The following NELL1 variants were observed in gnomAD, a reference collection of about 807,000 sequenced individuals.
NELL1 encodes protein kinase C-binding protein NELL1.
A neutral mutation model predicts 107.4 loss-of-function variants in NELL1; 76 were observed. The observed-to-expected ratio is 0.71, with a 90% CI of 0.59 to 0.86. The LOEUF is 0.86. NELL1 is among the 40% of genes least tolerant of loss of function. NELL1 has a pLI of 0.00. For missense variants in NELL1, 1,024 were observed against 1,005.5 expected (o/e 1.02, Z -0.25); for synonymous variants, 353 against 341.2 (o/e 1.03, Z -0.38).
At chr11:21,194,475 G>A (rs1857110873) in intron 13 of NELL1, among the ~76,000 whole-genome samples, 1 of 152,004 alleles carries the variant, frequency 6.6e-6, no homozygotes, top group Non-Finnish European at 1.5e-5. Flanking sequence ...TGATTTAGTT[G>A]ATCTGGTCTG....
At chr11:20,878,810 C>A (rs938871975) in intron 4 of NELL1, among the ~76,000 whole-genome samples, 2 of 152,184 alleles carry the variant, frequency 1.3e-5, no homozygotes, top group South Asian at 4.1e-4. Context: ...AGGGAACTTT[C>A]ATTCATTTAT....
At chr11:21,021,791 G>C (rs1852707701) in intron 12 of NELL1, among the ~76,000 whole-genome samples, 1 of 152,056 alleles carries the variant, frequency 6.6e-6, no homozygotes. Flanking sequence ...GATTTCATTA[G>C]CTTCATGTTT....
intron 14 of NELL1, among the ~76,000 whole-genome samples, chr11:21,266,853 C>G (rs1590787119): frequency 6.6e-6 from 1 of 152,056 alleles, no homozygotes; most frequent in Non-Finnish European, 1.5e-5. Flanking sequence ...AGACTCACCT[C>G]AAATTTACCA....
chr11:20,913,021 G>A (rs1406322108), intron 5 of NELL1, among the ~76,000 whole-genome samples: 1 of 152,120 alleles, frequency 6.6e-6, no homozygotes, highest in Non-Finnish European at 1.5e-5. Context: ...CATAATGAAA[G>A]TCGACAAGTG....
At position 20,755,559 on chromosome 11, in the gene NELL1, T is replaced by TTTTTTTTTTA. The variant is rs1337491294; in HGVS notation, c.185-28119_185-28118insTTTTTTTATT. Reference sequence around the variant, plus strand: ...GTTTTTGTTTTTTTTTGTTTTTGTTTTTGTTTTTTTTTTTTTGAGACAGAA... The same window carrying TTTTTTTTTTA: ...GTTTTTGTTTTTTTTTGTTTTTGTTTTTTTTTTTTATTGTTTTTTTTTTTTTGAGACAGAA... On this transcript the variant is annotated intron_variant, in intron 2 of 19. Coordinates refer to ENST00000357134, the MANE Select transcript of NELL1 (RefSeq NM_006157.5). 1.8e-3 allele frequency among the ~76,000 whole-genome samples: 32 copies of TTTTTTTTTTA among 17,682 alleles called. No individual in the cohort carries two copies. The East Asian group carries it at 0.032, about 18-fold the overall frequency. The allele number at this position is 17,682 out of a possible 152,430, so 11.6% of individuals were successfully genotyped here. A position where few individuals can be genotyped will look rare whatever the true frequency, so the allele number is the denominator to read the frequency against.
At chr11:21,330,619 A>C (rs1850252269) in intron 14 of NELL1, among the ~76,000 whole-genome samples, 1 of 151,990 alleles carries the variant, frequency 6.6e-6, no homozygotes, top group East Asian at 1.9e-4. Flanking sequence ...TTTTATGTAT[A>C]ATAAGTCATT....
intron 12 of NELL1, among the ~76,000 whole-genome samples, chr11:21,079,490 G>T (rs897934258): frequency 6.6e-6 from 1 of 152,020 alleles, no homozygotes; most frequent in African/African-American, 2.4e-5. Flanking sequence ...GAAAACACTA[G>T]TCATGTTTGT....
intron 2 of NELL1, among the ~76,000 whole-genome samples, chr11:20,708,917 C>T (rs567384328): frequency 6.6e-6 from 1 of 152,202 alleles, no homozygotes; most frequent in Non-Finnish European, 1.5e-5. Context: ...GCTGTTTCAC[C>T]TCAGATCATC....
At chr11:21,115,028 G>A (rs1422065223) in intron 13 of NELL1, among the ~76,000 whole-genome samples, 2 of 151,982 alleles carry the variant, frequency 1.3e-5, no homozygotes, top group Non-Finnish European at 2.9e-5. Flanking sequence ...GCCCTGCTGT[G>A]TGGAAGACCT....
chr11:21,032,540 C>T (rs567820658), intron 12 of NELL1, among the ~76,000 whole-genome samples: 226 of 152,030 alleles, frequency 1.5e-3, no homozygotes, highest in African/African-American at 5.1e-3. Flanking sequence ...AGGTGCCTGG[C>T]ACCATGCCTG....
At chr11:20,960,234 G>C (rs1167976224) in intron 11 of NELL1, among the ~76,000 whole-genome samples, 198 bp from the exon 12 acceptor site, 1 of 152,114 alleles carries the variant, frequency 6.6e-6, no homozygotes, top group Non-Finnish European at 1.5e-5. Flanking sequence ...GTATGGGTGG[G>C]GGAAAGCCTC....
At chr11:21,150,343 A>T (rs1405754547) in intron 13 of NELL1, among the ~76,000 whole-genome samples, 1 of 152,176 alleles carries the variant, frequency 6.6e-6, no homozygotes, top group Non-Finnish European at 1.5e-5. Flanking sequence ...AGGGGGGCAG[A>T]GGGGCTTCAG....
intron 15 of NELL1, among the ~76,000 whole-genome samples, chr11:21,413,075 T>A (rs1042761082): frequency 1.3e-5 from 2 of 152,028 alleles, no homozygotes; most frequent in South Asian, 4.1e-4. Context: ...GCAAAACATA[T>A]GAGAAACTTT....
chr11:21,344,110 C>T (rs1053763501), intron 14 of NELL1, among the ~76,000 whole-genome samples: 1 of 152,218 alleles, frequency 6.6e-6, no homozygotes, highest in Non-Finnish European at 1.5e-5. Flanking sequence ...CGCATTCTGT[C>T]TGAGCATCTA....
At chr11:21,453,418 A>G (rs1853637200) in intron 15 of NELL1, among the ~76,000 whole-genome samples, 1 of 152,116 alleles carries the variant, frequency 6.6e-6, no homozygotes, top group African/African-American at 2.4e-5. Flanking sequence ...CTCTAGCCTT[A>G]CTTTCATTAC....
intron 3 of NELL1, among the ~76,000 whole-genome samples, chr11:20,830,585 G>A (rs574877916): frequency 6.6e-6 from 1 of 152,020 alleles, no homozygotes; most frequent in Non-Finnish European, 1.5e-5. Flanking sequence ...TGATCTGCCT[G>A]CCTCAGACTC....
At chr11:20,903,314 C>G (rs887764678) in intron 5 of NELL1, among the ~76,000 whole-genome samples, 1 of 151,950 alleles carries the variant, frequency 6.6e-6, no homozygotes, top group African/African-American at 2.4e-5. Context: ...CCTGGTGAAG[C>G]TCTCCTTTTC....
At chr11:21,403,600 G>C (rs1852150756) in intron 15 of NELL1, among the ~76,000 whole-genome samples, 1 of 82,246 alleles carries the variant, frequency 1.2e-5, no homozygotes, top group Non-Finnish European at 2.6e-5. Context: ...GACCTCTGTA[G>C]CTCTTCAAAA....
intron 2 of NELL1, among the ~76,000 whole-genome samples, chr11:20,753,757 C>T (rs1856197448): frequency 6.6e-6 from 1 of 152,180 alleles, no homozygotes; most frequent in African/African-American, 2.4e-5. Flanking sequence ...ACTTTCTCTC[C>T]ATCTCTTTGC....
Sources: gnomAD v4.1 joint callset for allele counts (sites outside exome capture counted in the v4.1 genomes callset) on GRCh38, gnomAD v4.1.1 for gene constraint, MANE v1.5 for transcripts, NCBI Gene and HGNC (gene_info 2026-07-23, HGNC 2026-07-21) for gene names.